Variants in RINT1 observed in about 807,000 individuals in gnomAD.
The protein encoded by RINT1 is RAD50 interactor 1, also known as RAD50-interacting protein 1.
Under a neutral mutation model 97.7 loss-of-function variants are expected in RINT1, and 75 were observed. The observed-to-expected ratio is 0.77, with a 90% CI of 0.64 to 0.93. The LOEUF (loss-of-function observed/expected upper bound fraction) is 0.93. RINT1 is among the 40% of genes least tolerant of loss of function. The pLI, the probability that RINT1 is intolerant of heterozygous loss-of-function variation, is 0.00. For missense variants in RINT1, 892 were observed against 925.2 expected (o/e 0.96, Z 0.47); for synonymous variants, 303 against 326.3 (o/e 0.93, Z 0.77).
intron 2 of RINT1, among the ~76,000 whole-genome samples, chr7:105,535,889 A>G (rs973017273): frequency 3.9e-5 from 6 of 152,168 alleles, no homozygotes; most frequent in African/African-American, 1.4e-4. Context: ...GCCCTAGACC[A>G]TACTACTGGT....
In RINT1 at chr7:105,567,185, G is replaced by T. The variant is rs760695096; in HGVS notation, c.2253G>T (p.Leu751=). 1.6e-5 allele frequency: 25 copies of T among 1,611,314 alleles called. No homozygotes were observed. The highest frequency in any genetic ancestry group is 2.7e-5 in the African/African-American group (2 of 74,748). ...CTGCACTACTGCTGAAAGATGTACT[G>T]CAGTCAGCTTCAGGGCAGCTTCCTG... ...VGSALLLKDV[L]QSASGQLPAT... The change falls in exon 15 of 15, where the codon CTG becomes CTT. Residue 751 remains leucine (L), a synonymous_variant. Coordinates refer to ENST00000257700, the MANE Select transcript of RINT1 (RefSeq NM_021930.6).
At chr7:105,563,287 T>A (rs933526664) in intron 11 of RINT1, among the ~76,000 whole-genome samples, 1 of 152,172 alleles carries the variant, frequency 6.6e-6, no homozygotes, top group Non-Finnish European at 1.5e-5. Flanking sequence ...GATAACGGCT[T>A]TTTTCTTGGT....
At chr7:105,560,895 A>G (rs1194517217) in intron 11 of RINT1, among the ~76,000 whole-genome samples, 1 of 151,886 alleles carries the variant, frequency 6.6e-6, no homozygotes, top group African/African-American at 2.4e-5. Flanking sequence ...TAACTTTTCT[A>G]TTTTTAGTAG....
chr7:105,534,837 A>G (rs539632501), intron 2 of RINT1, among the ~76,000 whole-genome samples: 1 of 152,188 alleles, frequency 6.6e-6, no homozygotes, highest in East Asian at 1.9e-4. Context: ...AAAATCTTTT[A>G]ATTTAATTCA....
intron 4 of RINT1, among the ~76,000 whole-genome samples, chr7:105,545,995 G>T (rs945471650): frequency 7.3e-6 from 1 of 137,130 alleles, no homozygotes; most frequent in Non-Finnish European, 1.6e-5. Flanking sequence ...GTAGAGATGG[G>T]GGATGGGGAA....
In RINT1 at chr7:105,550,424, G is replaced by A. The variant is rs1790879501; in HGVS notation, c.1271G>A (p.Ser424Asn). The A allele has an allele frequency of 6.2e-7, 1 of 1,614,148 alleles. No homozygotes were observed. Among genetic ancestry groups the A allele is most frequent in the Non-Finnish European group, 8.5e-7 (1 of 1,180,026 alleles). The change falls in exon 9 of 15, where the codon AGT becomes AAT. Residue 424 changes from serine (S) to asparagine (N), a missense_variant. Coordinates refer to ENST00000257700, the MANE Select transcript of RINT1 (RefSeq NM_021930.6). ...CATGGCTATCCTGGCACTTTTGCTA[G>A]TTGTATGCATATTCTATCAGAGGAA... is the stretch of plus-strand genomic sequence containing the variant. ...SVHGYPGTFA[S>N]CMHILSEETC...
At chr7:105,565,842 G>T (rs1192255875) in intron 14 of RINT1, among the ~76,000 whole-genome samples, 194 bp downstream of exon 14, 1 of 152,270 alleles carries the variant, frequency 6.6e-6, no homozygotes, top group Non-Finnish European at 1.5e-5. Context: ...ACCTCAAAAA[G>T]TTTCAGAACT....
Position 105,554,608 on chromosome 7 carries a change from T to G in RINT1, c.1472-420T>G, listed in dbSNP as rs150548407. The stretch of plus-strand genomic sequence containing the variant: ...CACACGCCACTACTGCCCGGCTAAT[T>G]TTTGTAGTTTTGGTAGAGATGAGGT... On this transcript the variant is annotated intron_variant, in intron 10 of 14. Coordinates refer to ENST00000257700, the MANE Select transcript of RINT1 (RefSeq NM_021930.6). Among the ~76,000 whole-genome samples, 425 of 152,072 alleles carry G rather than the reference T, an allele frequency of 2.8e-3. 10 individuals carry two copies. The highest frequency in any genetic ancestry group is 0.024 in the Admixed American group (371 of 15,256).
chr7:105,534,530 ATAG>A (rs1158473946), intron 2 of RINT1, among the ~76,000 whole-genome samples: 2 of 150,686 alleles, frequency 1.3e-5, no homozygotes, highest in African/African-American at 2.4e-5. Flanking sequence ...TCTGTACATA[ATAG>A]TAGATTATTA....
intron 12 of RINT1, among the ~76,000 whole-genome samples, chr7:105,564,782 C>G (rs886583383): frequency 4.6e-5 from 7 of 152,104 alleles, no homozygotes; most frequent in Non-Finnish European, 1.0e-4. Context: ...GGGCAGATTA[C>G]TTGAGGGCAG....
chr7:105,554,220 A>T (rs1791073421), intron 10 of RINT1, among the ~76,000 whole-genome samples: 1 of 149,390 alleles, frequency 6.7e-6, no homozygotes, highest in Admixed American at 6.7e-5. Flanking sequence ...TTTCTAGTAG[A>T]GACAGGGTTT....
In RINT1 at chr7:105,550,235, TACCTCA is replaced by T; in HGVS notation, c.1108-25_1108-20del. 1 of 1,609,408 alleles carries T rather than the reference TACCTCA, an allele frequency of 6.2e-7. No homozygotes were observed. ...GTGCATGGATAACTTTTTATTTACA[TACCTCA>T]TGTTTGTGTATTTTTTTAGCTTGAA... is the stretch of plus-strand genomic sequence containing the variant. On this transcript the variant is annotated intron_variant, in intron 8 of 14. Transcript: ENST00000257700.
chr7:105,548,663 T>C lies in RINT1; in HGVS notation c.949T>C (p.Phe317Leu). The C allele has an allele frequency of 6.2e-7, 1 of 1,614,082 alleles. No individual in the cohort carries two copies. The highest frequency in any genetic ancestry group is 8.5e-7 in the Non-Finnish European group (1 of 1,179,972). ...TATGCTGACTCCTCTTCAGAAGAGGTTCAGGTATCACTTCAGAGGGAACCG... is the reference window on the plus strand; with the variant it reads ...TATGCTGACTCCTCTTCAGAAGAGGCTCAGGTATCACTTCAGAGGGAACCG... Reference protein sequence around the residue: ...QVMLTPLQKRFRYHFRGNRQT... With the variant: ...QVMLTPLQKRLRYHFRGNRQT... The change falls in exon 7 of 15, where the codon TTC becomes CTC. Residue 317 changes from phenylalanine to leucine, a missense_variant. By Grantham distance (22) the Phe-to-Leu change is conservative (BLOSUM62 0). Transcript: ENST00000257700.
intron 3 of RINT1, chr7:105,541,722 G>T (rs1261303867): frequency 6.6e-6 from 1 of 152,180 alleles, no homozygotes; most frequent in Non-Finnish European, 1.5e-5. Context: ...GTTGCAGTGA[G>T]CTGAGATCAC....
At chr7:105,534,498 A>G (rs947075839) in intron 2 of RINT1, among the ~76,000 whole-genome samples, 3 of 151,746 alleles carry the variant, frequency 2.0e-5, no homozygotes, top group African/African-American at 7.3e-5. Flanking sequence ...TTTATTTAAG[A>G]TTTAAAAAAG....
chr7:105,557,612 A>C (rs1791239617), intron 11 of RINT1, among the ~76,000 whole-genome samples: 1 of 152,314 alleles, frequency 6.6e-6, no homozygotes, highest in African/African-American at 2.4e-5. Flanking sequence ...AAATTAATAC[A>C]CTATATAGTA....
At chr7:105,541,417 G>A (rs1188058176) in intron 3 of RINT1, among the ~76,000 whole-genome samples, 3 of 151,938 alleles carry the variant, frequency 2.0e-5, no homozygotes, top group African/African-American at 7.2e-5. Context: ...GATTACAGGT[G>A]TGAGCCACCG....
chr7:105,534,074 AT>A (rs113109700), intron 2 of RINT1, among the ~76,000 whole-genome samples: 138 of 146,426 alleles, frequency 9.4e-4, no homozygotes, highest in Middle Eastern at 3.6e-3. Context: ...CAAGGGTGTA[AT>A]TTTTTTTTTT....
chr7:105,546,558 T>A (rs1199832600), intron 4 of RINT1, among the ~76,000 whole-genome samples: 3 of 152,154 alleles, frequency 2.0e-5, no homozygotes. Context: ...AATTTGAAAT[T>A]ATTCTGAGCA....
Sources: gnomAD v4.1 joint callset for allele counts (sites outside exome capture counted in the v4.1 genomes callset) on GRCh38, gnomAD v4.1.1 for gene constraint, MANE v1.5 for transcripts, NCBI Gene and HGNC (gene_info 2026-07-23, HGNC 2026-07-21) for gene names.